FGGY: variants seen among roughly 807,000 people sequenced by gnomAD.
FGGY encodes FGGY carbohydrate kinase domain containing.
A neutral mutation model predicts 71.3 loss-of-function variants in FGGY; 72 were observed. That is an observed-to-expected ratio of 1.01 (90% CI 0.84 to 1.23). The LOEUF (loss-of-function observed/expected upper bound fraction) is 1.23, where lower values mean the gene tolerates loss of function less well. Ranked by LOEUF, FGGY falls within the 50% of genes most tolerant of loss-of-function variation. The pLI, the probability that FGGY is intolerant of heterozygous loss-of-function variation, is 0.00. For missense variants in FGGY, 668 were observed against 682.3 expected (o/e 0.98, Z 0.23); for synonymous variants, 251 against 250.3 (o/e 1.00, Z -0.02).
At chr1:59,674,279 A>C (rs2097413532) in intron 14 of FGGY, 146 bp downstream of exon 14, 2 of 550,790 alleles carry the variant, frequency 3.6e-6, no homozygotes, top group Non-Finnish European at 3.3e-6. Flanking sequence ...AAACACTTCT[A>C]GCCTCAGACA....
intron 4 of FGGY, among the ~76,000 whole-genome samples, chr1:59,366,926 G>T (rs190165227): frequency 6.6e-6 from 1 of 152,252 alleles, no homozygotes; most frequent in Admixed American, 6.5e-5. Context: ...ATATGAAAGT[G>T]TAATGCATTT....
chr1:59,367,601 T>C (rs1262605101), intron 4 of FGGY, among the ~76,000 whole-genome samples: 2 of 152,240 alleles, frequency 1.3e-5, no homozygotes, highest in Non-Finnish European at 1.5e-5. Context: ...GATAATCCTT[T>C]GTAACTGGTC....
chr1:59,340,630 T>C (rs1157056795), intron 3 of FGGY, among the ~76,000 whole-genome samples: 1 of 152,196 alleles, frequency 6.6e-6, no homozygotes, highest in Non-Finnish European at 1.5e-5. Context: ...GTTTGAAATG[T>C]AAAGTGCTAC....
Position 59,627,289 on chromosome 1 carries a change from G to A in FGGY, c.1073+1240G>A, listed in dbSNP as rs529733224. Among the ~76,000 whole-genome samples, 26 of 151,568 alleles carry A rather than the reference G, an allele frequency of 1.7e-4. 1 individual carries two copies. In the South Asian group the frequency reaches 5.4e-3, roughly 32 times the overall value. On this transcript the variant is annotated intron_variant, in intron 10 of 15. Coordinates refer to ENST00000303721, the MANE Select transcript of FGGY (RefSeq NM_018291.5). ...ATATTATACTCTAATTGGTAAATCT[G>A]TTTTTCATAGGTGTATATGTTAGCT...
chr1:59,693,671 A>AGAGGAGGAG (rs1335010605), intron 14 of FGGY, among the ~76,000 whole-genome samples: 5 of 151,934 alleles, frequency 3.3e-5, no homozygotes, highest in Non-Finnish European at 7.4e-5. Flanking sequence ...AGAGGAAGGA[A>AGAGGAGGAG]GAGGAGGAGG....
chr1:59,369,096 G>A (rs1410245856), intron 4 of FGGY, among the ~76,000 whole-genome samples: 8 of 152,212 alleles, frequency 5.3e-5, no homozygotes, highest in African/African-American at 1.7e-4. Flanking sequence ...TGCGCAAGCC[G>A]AAGCAGGGCG....
chr1:59,398,107 G>C (rs2061534072), intron 5 of FGGY, among the ~76,000 whole-genome samples: 1 of 152,166 alleles, frequency 6.6e-6, no homozygotes, highest in Non-Finnish European at 1.5e-5. Context: ...GGTTGAGTCT[G>C]TGAGGCCTCA....
rs372393359 is a variant in FGGY, at chr1:59,655,641, G to A, written c.1222-4578G>A. On this transcript the variant is annotated intron_variant, in intron 11 of 15. Transcript: ENST00000303721. ...TTATGGCTGTGTAGTAGTCCATGGT[G>A]TATATGTGCCACATTAAGAAAATGA... 2.6e-5 allele frequency among the ~76,000 whole-genome samples: 4 copies of A among 152,252 alleles called. No individual in the cohort carries two copies. The East Asian group carries it at 7.7e-4, about 29-fold the overall frequency.
At chr1:59,519,437 A>C (rs1415964235) in intron 7 of FGGY, among the ~76,000 whole-genome samples, 1 of 152,222 alleles carries the variant, frequency 6.6e-6, no homozygotes, top group Admixed American at 6.5e-5. Context: ...AAGGCTTTGG[A>C]AAAACATAAA....
intron 14 of FGGY, among the ~76,000 whole-genome samples, chr1:59,709,692 A>T (rs989154780): frequency 6.6e-6 from 1 of 152,190 alleles, no homozygotes; most frequent in Non-Finnish European, 1.5e-5. Flanking sequence ...CTCAAATGTC[A>T]CTGGAGGGCC....
At chr1:59,373,704 C>G (rs1419904964) in intron 4 of FGGY, among the ~76,000 whole-genome samples, 2 of 152,102 alleles carry the variant, frequency 1.3e-5, no homozygotes, top group Non-Finnish European at 2.9e-5. Flanking sequence ...GGTACCAAAA[C>G]AGAGATATAG....
At chr1:59,641,402 T>C (rs936506502) in intron 11 of FGGY, 1 of 1,443,688 alleles carries the variant, frequency 6.9e-7, no homozygotes, top group Non-Finnish European at 9.6e-7. Flanking sequence ...TGTGTTTTTA[T>C]TGAATACCTG....
intron 10 of FGGY, among the ~76,000 whole-genome samples, chr1:59,630,887 T>C (rs773788661): frequency 2.0e-5 from 3 of 152,196 alleles, no homozygotes; most frequent in Non-Finnish European, 2.9e-5. Flanking sequence ...TTTCTCCTTC[T>C]GTTTAGAGTG....
chr1:59,676,194 G>A (rs1447292684), intron 14 of FGGY, among the ~76,000 whole-genome samples: 1 of 152,036 alleles, frequency 6.6e-6, no homozygotes, highest in Non-Finnish European at 1.5e-5. Context: ...CCTGCTTGCA[G>A]GATGCGTGTT....
intron 14 of FGGY, among the ~76,000 whole-genome samples, chr1:59,734,490 C>T (rs760291872): frequency 3.9e-4 from 59 of 152,344 alleles, no homozygotes; most frequent in Non-Finnish European, 7.8e-4. Flanking sequence ...AGGCGTGAGT[C>T]AAGTGTCATT....
intron 9 of FGGY, 36 bp downstream of exon 9, chr1:59,607,946 T>C (rs1239879173): frequency 6.5e-7 from 1 of 1,529,128 alleles, no homozygotes; most frequent in Admixed American, 1.7e-5. Context: ...TCATGGATGT[T>C]TTTATGTCAT....
intron 1 of FGGY, among the ~76,000 whole-genome samples, chr1:59,312,314 C>T (rs187526357): frequency 6.6e-6 from 1 of 152,244 alleles, no homozygotes; most frequent in East Asian, 1.9e-4. Context: ...CAAACCTGAA[C>T]TTTAATATGG....
chr1:59,363,877 A>G (rs1402129338), intron 4 of FGGY, among the ~76,000 whole-genome samples: 2 of 152,210 alleles, frequency 1.3e-5, no homozygotes, highest in Admixed American at 6.5e-5. Context: ...GTCTTATTCT[A>G]CTACTTGAGT....
Position 59,554,136 on chromosome 1 carries a change from C to A in FGGY, c.812C>A (p.Ala271Glu). 2 of 1,610,050 alleles carry A rather than the reference C, an allele frequency of 1.2e-6. No homozygotes were observed. The highest frequency in any genetic ancestry group is 1.7e-6 in the Non-Finnish European group (2 of 1,176,716). Residue 271 changes from alanine (A) to glutamate (E), a missense_variant, in exon 8 of 16, where the codon GCA becomes GAA. Ala to Glu is a moderately radical substitution (Grantham distance 107). Around this residue, in one of 2 missense-constraint regions of FGGY, gnomAD observed 661 missense variants for 661.6 expected, o/e 1.00. Coordinates refer to ENST00000303721, the MANE Select transcript of FGGY (RefSeq NM_018291.5). Reference protein sequence around the residue: ...AHAGGLGVIGADVRGHGLICE... With the variant: ...AHAGGLGVIGEDVRGHGLICE... ...TCCTTTCTCACAGGAGTGATTGGGGCAGATGTGAGAGGGCACGGCCTCATC... is the reference window on the plus strand; with the variant it reads ...TCCTTTCTCACAGGAGTGATTGGGGAAGATGTGAGAGGGCACGGCCTCATC...
Sources: allele counts gnomAD v4.1 joint callset (sites outside exome capture counted in the v4.1 genomes callset), GRCh38; gene constraint gnomAD v4.1.1; regional missense constraint gnomAD v4.1.1; transcripts MANE v1.5; gene names NCBI Gene and HGNC (gene_info 2026-07-23, HGNC 2026-07-21).